The following FCHO2 variants were observed in gnomAD, a reference collection of about 807,000 sequenced individuals.
The protein encoded by FCHO2 is F-BAR domain only protein 2.
Under a neutral mutation model 114.1 loss-of-function variants are expected in FCHO2, and 43 were observed. That is an observed-to-expected ratio of 0.38 (90% confidence interval 0.30 to 0.49). The LOEUF is 0.49. Ranked by LOEUF, FCHO2 falls within the 20% of genes least tolerant of loss-of-function variation. The pLI is 0.97. For synonymous variants in FCHO2, 293 were observed against 315.2 expected, an observed-to-expected ratio of 0.93 and a Z score of 0.75; for missense variants, 807 against 950.4, an observed-to-expected ratio of 0.85 and a Z score of 1.98.
intron 8 of FCHO2, among the ~76,000 whole-genome samples, chr5:73,031,326 G>T (rs1183669949): frequency 6.6e-6 from 1 of 152,162 alleles, no homozygotes; most frequent in African/African-American, 2.4e-5. Context: ...GAGAGTGTTT[G>T]TGTTTAGCTC....
chr5:73,026,476 A>C (rs1755923727), intron 8 of FCHO2, among the ~76,000 whole-genome samples: 1 of 152,168 alleles, frequency 6.6e-6, no homozygotes, highest in African/African-American at 2.4e-5. Flanking sequence ...GTCTCAAAAA[A>C]AAAAAATTGT....
At chr5:72,976,563 T>C (rs1041132662) in intron 2 of FCHO2, among the ~76,000 whole-genome samples, 2 of 152,164 alleles carry the variant, frequency 1.3e-5, no homozygotes, top group Non-Finnish European at 2.9e-5. Context: ...GTGAGGTATC[T>C]GTTAAGGTCT....
intron 11 of FCHO2, among the ~76,000 whole-genome samples, chr5:73,045,677 C>G (rs931388063): frequency 2.0e-5 from 3 of 152,078 alleles, no homozygotes; most frequent in African/African-American, 7.2e-5. Context: ...TGTTATTATT[C>G]ATGTTTGCCT....
intron 8 of FCHO2, among the ~76,000 whole-genome samples, chr5:73,023,893 C>T (rs1484955417): frequency 2.6e-5 from 4 of 152,148 alleles, no homozygotes; most frequent in African/African-American, 4.8e-5. Context: ...TAATGTCCTA[C>T]TTGTCAACCT....
chr5:72,958,795 G>T (rs1205421400), intron 1 of FCHO2, among the ~76,000 whole-genome samples: 1 of 152,208 alleles, frequency 6.6e-6, no homozygotes, highest in African/African-American at 2.4e-5. Context: ...TCTTGTAAAT[G>T]TTATGCATAT....
intron 5 of FCHO2, among the ~76,000 whole-genome samples, chr5:73,004,139 G>A (rs1479895754): frequency 6.7e-6 from 1 of 149,596 alleles, no homozygotes; most frequent in Non-Finnish European, 1.5e-5. Context: ...GGTATTAGAA[G>A]AACAAACTAA....
chr5:73,008,058 G>A (rs534064272), intron 6 of FCHO2, among the ~76,000 whole-genome samples: 1 of 152,164 alleles, frequency 6.6e-6, no homozygotes. Context: ...AAGGGAAAAT[G>A]GTAGTGAGAA....
intron 1 of FCHO2, among the ~76,000 whole-genome samples, chr5:72,964,840 A>G (rs1456483437): frequency 3.9e-5 from 6 of 152,178 alleles, no homozygotes; most frequent in Non-Finnish European, 7.3e-5. Context: ...TCTGAGGTCA[A>G]CTGCAGTCTG....
At chr5:73,039,739 C>A (rs543276348) in intron 10 of FCHO2, among the ~76,000 whole-genome samples, 1 of 151,496 alleles carries the variant, frequency 6.6e-6, no homozygotes, top group East Asian at 2.0e-4. Context: ...ACCAGCCTGG[C>A]CAACATTGTG....
At position 73,020,934 on chromosome 5, in the gene FCHO2, A is replaced by G. The variant is rs1755589794; in HGVS notation, c.796+3626A>G. The stretch of plus-strand genomic sequence containing the variant: ...TATCGAAATCATATAGTCGAAAAGC[A>G]AACTGCAGTTTGTTGCTTCGGCTGT... On this transcript the variant is annotated intron_variant, in intron 8 of 25. Coordinates refer to ENST00000430046, the MANE Select transcript of FCHO2 (RefSeq NM_138782.3). 3.8e-6 allele frequency: 6 copies of G among 1,574,474 alleles called. No individual in the cohort carries two copies. In the South Asian group the frequency reaches 6.7e-5, roughly 17 times the overall value.
chr5:73,010,057 G>T (rs1373615965), intron 6 of FCHO2, among the ~76,000 whole-genome samples: 1 of 152,124 alleles, frequency 6.6e-6, no homozygotes, highest in African/African-American at 2.4e-5. Context: ...TTTAATTTGG[G>T]TTAGTTTAGA....
At chr5:73,021,308 C>T (rs986306492) in intron 8 of FCHO2, 11 of 451,306 alleles carry the variant, frequency 2.4e-5, no homozygotes, top group East Asian at 1.9e-4. Flanking sequence ...ATGGGTGCAG[C>T]GGTGCCAGAA....
chr5:72,963,219 T>G (rs1285592416), intron 1 of FCHO2, among the ~76,000 whole-genome samples: 1 of 152,108 alleles, frequency 6.6e-6, no homozygotes, highest in African/African-American at 2.4e-5. Context: ...AAGTATAATA[T>G]AAGTAAAGCA....
intron 2 of FCHO2, among the ~76,000 whole-genome samples, chr5:72,979,719 A>T (rs1418435588): frequency 6.6e-6 from 1 of 152,150 alleles, no homozygotes; most frequent in South Asian, 2.1e-4. Flanking sequence ...TAGATTTTCT[A>T]GTTTATTTGC....
chr5:72,971,654 C>T (rs533647946), intron 2 of FCHO2, among the ~76,000 whole-genome samples: 17 of 152,220 alleles, frequency 1.1e-4, no homozygotes, highest in Admixed American at 1.1e-3. Context: ...TGTAGGTTGC[C>T]TGTTCACTCT....
At chr5:72,961,603 T>G (rs1408360111) in intron 1 of FCHO2, among the ~76,000 whole-genome samples, 4 of 152,096 alleles carry the variant, frequency 2.6e-5, no homozygotes, top group Non-Finnish European at 5.9e-5. Flanking sequence ...TTCTTTCTTT[T>G]TTTTTTTTGA....
At chr5:73,056,385 A>G (rs182268325) in intron 16 of FCHO2, among the ~76,000 whole-genome samples, 1 of 152,312 alleles carries the variant, frequency 6.6e-6, no homozygotes, top group Non-Finnish European at 1.5e-5. Context: ...TGTATTCGTC[A>G]TTATAGTATC....
intron 19 of FCHO2, among the ~76,000 whole-genome samples, chr5:73,071,908 T>C (rs1057194269): frequency 2.6e-5 from 4 of 152,008 alleles, no homozygotes; most frequent in Non-Finnish European, 5.9e-5. Context: ...TGTGCCCAGA[T>C]TAGATTGTTG....
intron 2 of FCHO2, among the ~76,000 whole-genome samples, chr5:72,979,949 G>C (rs1466197174): frequency 2.6e-5 from 4 of 152,052 alleles, no homozygotes; most frequent in African/African-American, 9.7e-5. Context: ...ATCTCCTTCA[G>C]TTCTGCTCTG....
Sources: gnomAD v4.1 joint callset for allele counts (sites outside exome capture counted in the v4.1 genomes callset) on GRCh38, gnomAD v4.1.1 for gene constraint, MANE v1.5 for transcripts, NCBI Gene and HGNC (gene_info 2026-07-23, HGNC 2026-07-21) for gene names.